The following KIAA0319L variants were observed in gnomAD, a reference collection of about 807,000 sequenced individuals.
KIAA0319L encodes dyslexia-associated protein KIAA0319-like protein.
In KIAA0319L, 55 loss-of-function variants were observed where a neutral mutation model predicts 120.1. That is an observed-to-expected ratio of 0.46 (90% CI 0.37 to 0.57). The LOEUF (loss-of-function observed/expected upper bound fraction) is 0.57. Among genes scored for constraint, KIAA0319L ranks in the 20% least tolerant of loss-of-function variants. The probability of loss-of-function intolerance (pLI) is 0.00; values close to 1 mark genes in which losing one functional copy is unlikely to be tolerated. For synonymous variants in KIAA0319L, 398 were observed against 471.9 expected (o/e 0.84, Z 2.03); for missense variants, 1,049 against 1,255.3 (o/e 0.84, Z 2.48).
At position 35,554,599 on chromosome 1, in the gene KIAA0319L, T is replaced by C. The variant is rs1040835425; in HGVS notation, c.-28-80A>G. 11 of 1,072,208 alleles carry C rather than the reference T, an allele frequency of 1.0e-5. No individual in the cohort carries two copies. The East Asian group carries it at 1.5e-4, about 15-fold the overall frequency. 66.4% of individuals were successfully genotyped at this position (1,072,208 alleles called of 1,614,324 possible). On this transcript the variant is annotated intron_variant, in intron 1 of 20. Transcript: ENST00000325722. Reference sequence around the variant, plus strand: ...TGGAAATGTGGAATGCTAGAAAATATGACAGATTAGGGGAAAGAAAAATTT... The same window carrying C: ...TGGAAATGTGGAATGCTAGAAAATACGACAGATTAGGGGAAAGAAAAATTT...
intron 2 of KIAA0319L, among the ~76,000 whole-genome samples, chr1:35,537,491 GAAGT>G (rs1207965089): frequency 1.3e-5 from 2 of 150,438 alleles, no homozygotes; most frequent in Non-Finnish European, 3.0e-5. Flanking sequence ...GGCTTGGGAG[GAAGT>G]AAGGAAATAA....
At chr1:35,446,512 T>C (rs1641635726) in intron 16 of KIAA0319L, among the ~76,000 whole-genome samples, 1 of 152,186 alleles carries the variant, frequency 6.6e-6, no homozygotes, top group Non-Finnish European at 1.5e-5. Context: ...GCCTCCAACA[T>C]CTAAGTAAAA....
chr1:35,452,495 C>T (rs1490788571), intron 12 of KIAA0319L, among the ~76,000 whole-genome samples: 1 of 152,212 alleles, frequency 6.6e-6, no homozygotes, highest in Non-Finnish European at 1.5e-5. Context: ...GAGAAATCTG[C>T]AGACATCCAG....
intron 10 of KIAA0319L, chr1:35,454,732 CTCATAAGAGAGGGCA>C: frequency 1.2e-6 from 1 of 867,946 alleles, no homozygotes; most frequent in East Asian, 3.4e-5. Context: ...AGCCAGAACT[CTCATAAGAGAGGGCA>C]GTATTGGGAA....
intron 20 of KIAA0319L, among the ~76,000 whole-genome samples, chr1:35,438,250 T>G (rs1213303023): frequency 6.6e-6 from 1 of 152,132 alleles, no homozygotes; most frequent in African/African-American, 2.4e-5. Flanking sequence ...ACCAAACACT[T>G]GATCTCCACC....
intron 3 of KIAA0319L, among the ~76,000 whole-genome samples, chr1:35,499,402 C>T (rs1644923305): frequency 2.0e-5 from 3 of 152,030 alleles, no homozygotes; most frequent in South Asian, 2.1e-4. Context: ...CCTCTTCCAC[C>T]GTGTGAGAAC....
chr1:35,532,865 A>T (rs1432792999), intron 2 of KIAA0319L, among the ~76,000 whole-genome samples: 1 of 152,218 alleles, frequency 6.6e-6, no homozygotes, highest in Non-Finnish European at 1.5e-5. Context: ...GAGCAAAGCC[A>T]ATTCCCCTCT....
chr1:35,508,239 C>T (rs1645281429), intron 2 of KIAA0319L, among the ~76,000 whole-genome samples: 1 of 152,114 alleles, frequency 6.6e-6, no homozygotes, highest in Non-Finnish European at 1.5e-5. Context: ...TTCTGGGCAC[C>T]TCTCTCCTTA....
intron 3 of KIAA0319L, among the ~76,000 whole-genome samples, chr1:35,489,926 C>T (rs1174158139): frequency 6.6e-6 from 1 of 151,850 alleles, no homozygotes. Flanking sequence ...CTCAGCCTCC[C>T]AAACTGCTGG....
In KIAA0319L at chr1:35,453,434, T is replaced by C. The variant is rs1341433826; in HGVS notation, c.1913+123A>G. On this transcript the variant is annotated intron_variant, in intron 12 of 20. Transcript: ENST00000325722. This position sits in a 1 kb window ranked among gnomAD's most constrained non-coding sequence, Gnocchi z 4.1. ...GTTGAAGTTTGGAATTGCAAACATT[T>C]CTTCCTCAGTCACCCCACTGGATAA... 3 of 795,698 alleles carry C rather than the reference T, an allele frequency of 3.8e-6. No individual in the cohort carries two copies. The African/African-American group carries it at 5.2e-5, about 14-fold the overall frequency. The allele number at this position is 795,698 out of a possible 1,614,324, so 49.3% of individuals were successfully genotyped here. A position where few individuals can be genotyped will look rare whatever the true frequency, so the allele number is the denominator to read the frequency against.
intron 19 of KIAA0319L, 33 bp downstream of exon 19, chr1:35,442,213 C>T: frequency 6.7e-7 from 1 of 1,501,830 alleles, no homozygotes; most frequent in Non-Finnish European, 9.3e-7. Flanking sequence ...TGACAAGAAG[C>T]CCGAATGAAT....
At chr1:35,498,285 A>T (rs1230591002) in intron 3 of KIAA0319L, among the ~76,000 whole-genome samples, 1 of 151,952 alleles carries the variant, frequency 6.6e-6, no homozygotes, top group African/African-American at 2.4e-5. Flanking sequence ...GTGAGCCGAG[A>T]TTGCACCACT....
chr1:35,503,723 C>T (rs980231163), intron 3 of KIAA0319L, among the ~76,000 whole-genome samples: 3 of 152,038 alleles, frequency 2.0e-5, no homozygotes, highest in East Asian at 1.9e-4. Flanking sequence ...GCTTGAACTG[C>T]GCAGGTTCAT....
intron 2 of KIAA0319L, among the ~76,000 whole-genome samples, chr1:35,523,204 T>C (rs964157495): frequency 6.6e-5 from 10 of 152,134 alleles, no homozygotes; most frequent in Admixed American, 4.6e-4. Context: ...TAGAACTCTC[T>C]TGACTCCTTT....
chr1:35,527,226 C>G (rs182039787), intron 2 of KIAA0319L, among the ~76,000 whole-genome samples: 4 of 150,308 alleles, frequency 2.7e-5, no homozygotes, highest in African/African-American at 1.0e-4. Context: ...TCCTTGCATC[C>G]CTGGGATAAA....
At chr1:35,537,757 A>T (rs1646639100) in intron 2 of KIAA0319L, among the ~76,000 whole-genome samples, 2 of 152,076 alleles carry the variant, frequency 1.3e-5, no homozygotes, top group African/African-American at 4.8e-5. Flanking sequence ...ATGCTTTCTC[A>T]TCTGTGTGTA....
chr1:35,480,693 A>G (rs1469991797), intron 3 of KIAA0319L, among the ~76,000 whole-genome samples: 1 of 152,160 alleles, frequency 6.6e-6, no homozygotes, highest in Non-Finnish European at 1.5e-5. Flanking sequence ...GAGGCACAAG[A>G]ATCACTTGAA....
chr1:35,454,524 G>T, intron 10 of KIAA0319L, 39 bp from the exon 11 acceptor site: 1 of 1,608,048 alleles, frequency 6.2e-7, no homozygotes. Context: ...GTGGACTCCA[G>T]GAATCACATC....
At chr1:35,550,252 G>T (rs1421412075) in intron 2 of KIAA0319L, among the ~76,000 whole-genome samples, 1 of 152,234 alleles carries the variant, frequency 6.6e-6, no homozygotes, top group African/African-American at 2.4e-5. Context: ...AGTGGTAAGC[G>T]GGAGTGGAGG....
Sources: gnomAD v4.1 joint callset for allele counts (sites outside exome capture counted in the v4.1 genomes callset) on GRCh38, gnomAD v4.1.1 for gene constraint, Gnocchi (gnomAD v3.1) non-coding constraint, MANE v1.5 for transcripts, NCBI Gene and HGNC (gene_info 2026-07-23, HGNC 2026-07-21) for gene names.